The following CCDC174 variants were observed in gnomAD, a reference collection of about 807,000 sequenced individuals.
CCDC174 encodes coiled-coil domain-containing protein 174.
Under a neutral mutation model 57.1 loss-of-function variants are expected in CCDC174, and 37 were observed. The ratio of observed to expected loss-of-function variants is 0.65; its 90% confidence interval spans 0.50 to 0.85. CCDC174 has a LOEUF of 0.85. Among genes scored for constraint, CCDC174 ranks in the 40% least tolerant of loss-of-function variants. The probability of loss-of-function intolerance (pLI) is 0.00; values close to 1 mark genes in which losing one functional copy is unlikely to be tolerated. For missense variants in CCDC174, 540 were observed against 574.3 expected (o/e 0.94, Z 0.61); for synonymous variants, 182 against 190.2 (o/e 0.96, Z 0.35).
intron 8 of CCDC174, 62 bp from the exon 9 acceptor site, chr3:14,667,986 CT>C: frequency 6.6e-7 from 1 of 1,507,016 alleles, no homozygotes; most frequent in South Asian, 1.3e-5. Flanking sequence ...AAAATTTCAT[CT>C]TTTTGGACAG....
intron 2 of CCDC174, 147 bp from the exon 3 acceptor site, chr3:14,655,382 G>A (rs1280144420): frequency 2.7e-5 from 13 of 475,034 alleles, no homozygotes; most frequent in Non-Finnish European, 4.6e-5. Context: ...TGTATAGTCA[G>A]TATCTTTGTA....
intron 2 of CCDC174, 55 bp downstream of exon 2, chr3:14,654,585 C>A: frequency 1.2e-6 from 1 of 840,734 alleles, no homozygotes; most frequent in Non-Finnish European, 1.9e-6. Flanking sequence ...AGAATTATAC[C>A]ATATTTAAGT....
chr3:14,661,260 C>G (rs1393895369), intron 4 of CCDC174, among the ~76,000 whole-genome samples: 1 of 152,190 alleles, frequency 6.6e-6, no homozygotes, highest in African/African-American at 2.4e-5. Flanking sequence ...GTTGTGTTAT[C>G]TTAAAATGAC....
chr3:14,667,411 A>G lies in CCDC174; in HGVS notation c.725-13A>G, dbSNP rs2280383. On this transcript the variant is annotated splice_polypyrimidine_tract_variant and intron_variant, in intron 7 of 10. Transcript: ENST00000383794. ...GACAGTCTGATCTTTTGGGTAATTCATACTTCTTTCAGAGGCCCGGCAACT... is the reference window on the plus strand; with the variant it reads ...GACAGTCTGATCTTTTGGGTAATTCGTACTTCTTTCAGAGGCCCGGCAACT... 1,424,630 of 1,608,896 alleles carry G rather than the reference A, an allele frequency of 0.89. 634,250 individuals are homozygous for G. The highest frequency in any genetic ancestry group is 0.92 in the Middle Eastern group (5,558 of 6,052).
At chr3:14,658,088 GGC>G (rs2031019933) in intron 3 of CCDC174, among the ~76,000 whole-genome samples, 1 of 152,226 alleles carries the variant, frequency 6.6e-6, no homozygotes, top group East Asian at 1.9e-4. Flanking sequence ...CCTCTCTGCT[GGC>G]ATGCGTTTCT....
chr3:14,654,514 C>G lies in CCDC174; in HGVS notation c.131C>G (p.Pro44Arg). 17 of 1,534,632 alleles carry G rather than the reference C, an allele frequency of 1.1e-5. No homozygotes were observed. Among genetic ancestry groups the G allele is most frequent in the Non-Finnish European group, 1.5e-5 (17 of 1,114,420 alleles). ...LLKDSGVFGK[P>R]KTTNKKPSIW... Reference sequence around the variant, plus strand: ...AAAGATTCTGGAGTTTTTGGAAAACCAAAAACAACTAACAAGGTAAAAAAT... The same window carrying G: ...AAAGATTCTGGAGTTTTTGGAAAACGAAAAACAACTAACAAGGTAAAAAAT... Residue 44 changes from proline (P) to arginine (R), a missense_variant, in exon 2 of 11, where the codon CCA becomes CGA. By Grantham distance (103) the Pro-to-Arg change is moderately radical. Coordinates refer to ENST00000383794, the MANE Select transcript of CCDC174 (RefSeq NM_016474.5).
chr3:14,665,625 A>C (rs3773489), intron 6 of CCDC174, among the ~76,000 whole-genome samples: 50,159 of 152,002 alleles, frequency 0.33, 8,424 homozygotes, highest in Admixed American at 0.39. Context: ...CAGGGGAATA[A>C]ATTCCTCTTA....
rs139500358 is a variant in CCDC174, at chr3:14,666,913, G to A, written c.690G>A (p.Met230Ile). 164 of 1,599,846 alleles carry A rather than the reference G, an allele frequency of 1.0e-4. 1 individual carries two copies. Among genetic ancestry groups the A allele is most frequent in the Non-Finnish European group, 1.8e-5 (21 of 1,176,164 alleles). Residue 230 changes from methionine to isoleucine, a missense_variant, in exon 7 of 11, where the codon ATG becomes ATA. Transcript: ENST00000383794. ...EEEREALKRPMGPVHYEDIRE... is the reference protein window; with the variant it reads ...EEEREALKRPIGPVHYEDIRE... Reference sequence around the variant, plus strand: ...AAAGAGAGGCCCTGAAGAGGCCCATGGGGCCCGTACATTATGAAGACATTC... The same window carrying A: ...AAAGAGAGGCCCTGAAGAGGCCCATAGGGCCCGTACATTATGAAGACATTC...
At chr3:14,660,511 G>GA (rs56340655) in intron 4 of CCDC174, among the ~76,000 whole-genome samples, 64,504 of 151,384 alleles carry the variant, frequency 0.43, 15,575 homozygotes, top group South Asian at 0.65. Context: ...TTCAGAAAAA[G>GA]AAAAAAAAAG....
At chr3:14,666,621 C>T (rs62232659) in intron 6 of CCDC174, among the ~76,000 whole-genome samples, 184 bp from the exon 7 acceptor site, 4 of 150,214 alleles carry the variant, frequency 2.7e-5, no homozygotes, top group Non-Finnish European at 5.9e-5. Context: ...AGACTAGTCT[C>T]CAAAAAAAAA....
At chr3:14,660,548 T>A (rs1484309340) in intron 4 of CCDC174, among the ~76,000 whole-genome samples, 1 of 152,244 alleles carries the variant, frequency 6.6e-6, no homozygotes, top group Non-Finnish European at 1.5e-5. Context: ...CTTTTCTGTT[T>A]TGATTCAAAC....
chr3:14,656,130 A>G (rs1008562120), intron 3 of CCDC174, among the ~76,000 whole-genome samples: 6 of 152,314 alleles, frequency 3.9e-5, no homozygotes, highest in African/African-American at 9.6e-5. Flanking sequence ...CGTTCAGCCT[A>G]TATCTTCTGA....
rs1325267769 is a variant in CCDC174 at position 14,672,318 on chromosome 3, C to A, written c.*1124C>A. ...TGCGATGGCATTGTCTCGGTTCCCG[C>A]AGTGCTGCAGTGTGGAAGGGAGTGC... is the stretch of plus-strand genomic sequence containing the variant. On this transcript the variant is annotated 3_prime_UTR_variant, in exon 11 of 11. Transcript: ENST00000383794. 2.6e-5 allele frequency: 4 copies of A among 152,364 alleles called. No homozygotes were observed. Among genetic ancestry groups the A allele is most frequent in the African/African-American group, 9.6e-5 (4 of 41,458 alleles). The allele number at this position is 152,364 out of a possible 1,614,324, so 9.4% of individuals were successfully genotyped here. A position where few individuals can be genotyped will look rare whatever the true frequency, so the allele number is the denominator to read the frequency against.
At chr3:14,666,661 A>G in intron 6 of CCDC174, 144 bp from the exon 7 acceptor site, 1 of 596,880 alleles carries the variant, frequency 1.7e-6, no homozygotes, top group Middle Eastern at 5.1e-4. Context: ...TTGATTTTCC[A>G]GCAGTCTTGT....
rs1281582650 is a variant in CCDC174 at position 14,667,433 on chromosome 3, A to T, written c.734A>T (p.Gln245Leu). ...YEDIRENEAR[Q>L]LGVGYFAFAR... ...TTCATACTTCTTTCAGAGGCCCGGC[A>T]ACTTGGTGTTGGGTATTTTGCCTTT... is the stretch of plus-strand genomic sequence containing the variant. Residue 245 changes from glutamine to leucine, a missense_variant, in exon 8 of 11, where the codon CAA becomes CTA. Transcript: ENST00000383794. 6.2e-7 allele frequency: 1 copy of T among 1,613,710 alleles called. No individual in the cohort carries two copies. Among genetic ancestry groups the T allele is most frequent in the Non-Finnish European group, 8.5e-7 (1 of 1,179,914 alleles).
At chr3:14,662,622 T>A (rs764936952) in intron 5 of CCDC174, among the ~76,000 whole-genome samples, 6 of 152,250 alleles carry the variant, frequency 3.9e-5, no homozygotes, top group Non-Finnish European at 7.3e-5. Flanking sequence ...GTACTGATGC[T>A]CTGACAATTT....
At chr3:14,669,023 T>A (rs1157212488) in intron 9 of CCDC174, among the ~76,000 whole-genome samples, 1 of 152,180 alleles carries the variant, frequency 6.6e-6, no homozygotes, top group African/African-American at 2.4e-5. Flanking sequence ...TTTTTAGAGA[T>A]GTGAGTGGGA....
intron 3 of CCDC174, among the ~76,000 whole-genome samples, chr3:14,658,550 G>C (rs1485798179): frequency 6.6e-6 from 1 of 152,242 alleles, no homozygotes; most frequent in African/African-American, 2.4e-5. Context: ...GGATTCTTAA[G>C]TCAGTTGATC....
At chr3:14,665,149 C>T in intron 6 of CCDC174, 26 bp downstream of exon 6, 1 of 1,501,302 alleles carries the variant, frequency 6.7e-7, no homozygotes, top group Non-Finnish European at 9.3e-7. Flanking sequence ...ATACAGAGCT[C>T]TGCCAAGGTC....
Sources: allele counts gnomAD v4.1 joint callset (sites outside exome capture counted in the v4.1 genomes callset), GRCh38; gene constraint gnomAD v4.1.1; transcripts MANE v1.5; gene names NCBI Gene and HGNC (gene_info 2026-07-23, HGNC 2026-07-21).